The following RABGAP1L variants were observed in gnomAD, a reference collection of about 807,000 sequenced individuals.
RABGAP1L encodes the protein rab GTPase-activating protein 1-like.
Under a neutral mutation model 137.7 loss-of-function variants are expected in RABGAP1L, and 63 were observed. The ratio of observed to expected loss-of-function variants is 0.46; its 90% CI spans 0.37 to 0.56. The LOEUF is 0.56. Ranked by LOEUF, RABGAP1L falls within the 20% of genes least tolerant of loss-of-function variation. The pLI, the probability that RABGAP1L is intolerant of heterozygous loss-of-function variation, is 0.00. For missense variants in RABGAP1L, 1,095 were observed against 1,244.0 expected (o/e 0.88, Z 1.80); for synonymous variants, 431 against 433.7 (o/e 0.99, Z 0.08).
At chr1:174,934,853 A>G (rs906936773) in intron 19 of RABGAP1L, 1 of 152,324 alleles carries the variant, frequency 6.6e-6, no homozygotes, top group African/African-American at 2.4e-5. Context: ...AATTTTACTT[A>G]TATATAGACA....
Position 174,275,694 on chromosome 1 carries a change from G to T in RABGAP1L, c.1054-139G>T, listed in dbSNP as rs565126647. 5 of 514,448 alleles carry T rather than the reference G, an allele frequency of 9.7e-6. No individual in the cohort carries two copies. The East Asian group carries it at 1.7e-4, about 18-fold the overall frequency. 31.9% of individuals were successfully genotyped at this position (514,448 alleles called of 1,614,324 possible). On this transcript the variant is annotated intron_variant, in intron 8 of 25. Transcript: ENST00000681986. ...AATAAATGCTTTTGTAGGATGAAAA[G>T]AATTTACAGTGAATATAAAGCTCCT...
At chr1:174,819,355 A>G (rs1049083454) in intron 19 of RABGAP1L, among the ~76,000 whole-genome samples, 8 of 152,070 alleles carry the variant, frequency 5.3e-5, no homozygotes, top group Admixed American at 1.3e-4. Flanking sequence ...AAAATTTCCA[A>G]TGACTCTTAA....
intron 12 of RABGAP1L, among the ~76,000 whole-genome samples, chr1:174,391,360 C>A (rs758374346): frequency 6.6e-6 from 1 of 152,304 alleles, no homozygotes; most frequent in Admixed American, 6.5e-5. Flanking sequence ...CAGAGTTTCA[C>A]TCTGATGCCC....
At chr1:174,419,961 C>G (rs1651062634) in intron 13 of RABGAP1L, among the ~76,000 whole-genome samples, 1 of 152,074 alleles carries the variant, frequency 6.6e-6, no homozygotes, top group African/African-American at 2.4e-5. Context: ...GCCCAAGAAA[C>G]AAGAATTAGA....
At chr1:174,332,380 T>TTTTATTTATTTATTTA (rs57912999) in intron 11 of RABGAP1L, among the ~76,000 whole-genome samples, 2 of 149,838 alleles carry the variant, frequency 1.3e-5, no homozygotes, top group South Asian at 4.2e-4. Flanking sequence ...TTATCTAAAT[T>TTTTATTTATTTATTTA]TTTATTTATT....
intron 10 of RABGAP1L, among the ~76,000 whole-genome samples, chr1:174,281,172 C>T (rs558305160): frequency 6.6e-6 from 1 of 152,226 alleles, no homozygotes; most frequent in East Asian, 1.9e-4. Flanking sequence ...ACAAAGCTTC[C>T]ACAGAGTGGA....
At chr1:174,901,450 A>G (rs982418883) in intron 19 of RABGAP1L, among the ~76,000 whole-genome samples, 3 of 152,290 alleles carry the variant, frequency 2.0e-5, no homozygotes, top group Non-Finnish European at 1.5e-5. Flanking sequence ...TTATAAAACC[A>G]TCAGATCTCA....
chr1:174,403,052 G>A (rs976645926), intron 13 of RABGAP1L, among the ~76,000 whole-genome samples: 5 of 152,054 alleles, frequency 3.3e-5, no homozygotes, highest in African/African-American at 1.2e-4. Context: ...TGTATGTAAC[G>A]TGTGTACTGT....
At chr1:174,334,560 C>T (rs1681307372) in intron 11 of RABGAP1L, among the ~76,000 whole-genome samples, 1 of 152,198 alleles carries the variant, frequency 6.6e-6, no homozygotes. Flanking sequence ...CTCTCAGCCT[C>T]ATAAATTATA....
chr1:174,279,827 C>CT (rs1308444589), intron 10 of RABGAP1L, among the ~76,000 whole-genome samples: 1 of 151,886 alleles, frequency 6.6e-6, no homozygotes, highest in Non-Finnish European at 1.5e-5. Context: ...CCCCATCCTT[C>CT]TTTTTTAAAA....
At chr1:174,961,559 A>G (rs1288773452) in intron 20 of RABGAP1L, among the ~76,000 whole-genome samples, 2 of 152,102 alleles carry the variant, frequency 1.3e-5, no homozygotes, top group Non-Finnish European at 2.9e-5. Flanking sequence ...AAACACAGCT[A>G]ATTGGCCGGG....
At chr1:174,542,056 T>C (rs1327209702) in intron 13 of RABGAP1L, among the ~76,000 whole-genome samples, 1 of 152,206 alleles carries the variant, frequency 6.6e-6, no homozygotes, top group Non-Finnish European at 1.5e-5. Flanking sequence ...AAAATTCTCT[T>C]TTTTTGTTGT....
At chr1:174,444,768 T>TA (rs1184918233) in intron 13 of RABGAP1L, among the ~76,000 whole-genome samples, 1 of 152,136 alleles carries the variant, frequency 6.6e-6, no homozygotes, top group African/African-American at 2.4e-5. Context: ...TTTGTATTTC[T>TA]GTGGAGTCAA....
chr1:174,530,586 T>C (rs112874250), intron 13 of RABGAP1L, among the ~76,000 whole-genome samples: 31 of 152,282 alleles, frequency 2.0e-4, no homozygotes, highest in African/African-American at 6.0e-4. Flanking sequence ...TTTCCCCACA[T>C]TGGGGAGTAG....
intron 18 of RABGAP1L, among the ~76,000 whole-genome samples, chr1:174,778,787 G>A (rs1365923606): frequency 2.0e-5 from 3 of 151,956 alleles, no homozygotes; most frequent in South Asian, 2.1e-4. Flanking sequence ...GTAGAGATGG[G>A]GTTTCACTAT....
chr1:174,775,521 C>A (rs1352996950), intron 18 of RABGAP1L, among the ~76,000 whole-genome samples: 2 of 152,076 alleles, frequency 1.3e-5, no homozygotes, highest in Non-Finnish European at 2.9e-5. Flanking sequence ...CCATGTTGGT[C>A]AGGCTGGTCT....
chr1:174,323,377 A>G (rs532444455), intron 11 of RABGAP1L, among the ~76,000 whole-genome samples: 2 of 152,126 alleles, frequency 1.3e-5, no homozygotes, highest in African/African-American at 4.8e-5. Context: ...ATGATTTTTC[A>G]TGATAAACAA....
At chr1:174,263,153 G>T (rs938749218) in intron 7 of RABGAP1L, among the ~76,000 whole-genome samples, 1 of 152,226 alleles carries the variant, frequency 6.6e-6, no homozygotes, top group Non-Finnish European at 1.5e-5. Flanking sequence ...TGGAAGCCCT[G>T]ATTTCCTTTG....
intron 19 of RABGAP1L, among the ~76,000 whole-genome samples, chr1:174,854,105 C>T (rs543216459): frequency 2.0e-5 from 3 of 152,292 alleles, no homozygotes; most frequent in Admixed American, 2.0e-4. Flanking sequence ...CCAGCATCAG[C>T]ACACTGTAGT....
Sources: gnomAD v4.1 joint callset for allele counts (sites outside exome capture counted in the v4.1 genomes callset) on GRCh38, gnomAD v4.1.1 for gene constraint, MANE v1.5 for transcripts, NCBI Gene and HGNC (gene_info 2026-07-23, HGNC 2026-07-21) for gene names.